CDH12: variants seen among roughly 807,000 people sequenced by gnomAD.
The protein encoded by CDH12 is cadherin-12.
CDH12 carries 41 observed loss-of-function variants against 74.1 expected under a neutral mutation model. The observed-to-expected ratio is 0.55, with a 90% CI of 0.43 to 0.72. The LOEUF (loss-of-function observed/expected upper bound fraction) is 0.72. Ranked by LOEUF, CDH12 falls within the 30% of genes least tolerant of loss-of-function variation. The probability of loss-of-function intolerance (pLI) is 0.00; values close to 1 mark genes in which losing one functional copy is unlikely to be tolerated. For synonymous variants in CDH12, 399 were observed against 355.0 expected (o/e 1.12, Z -1.39); for missense variants, 945 against 977.2 (o/e 0.97, Z 0.44).
chr5:22,009,939 C>CAAAAAAAAAAAAAAAAAA (rs774589642), intron 5 of CDH12, among the ~76,000 whole-genome samples: 9 of 54,286 alleles, frequency 1.7e-4, no homozygotes, highest in African/African-American at 2.2e-4. Context: ...GAAACTGTCT[C>CAAAAAAAAAAAAAAAAAA]AAAAAAAAAA....
intron 6 of CDH12, among the ~76,000 whole-genome samples, chr5:21,950,817 ACT>A (rs1755827176): frequency 6.7e-6 from 1 of 148,402 alleles, no homozygotes; most frequent in Admixed American, 6.8e-5. Flanking sequence ...ACAGAGTCTC[ACT>A]CTGTCACCCA....
At chr5:22,477,608 G>C (rs934267844) in intron 2 of CDH12, among the ~76,000 whole-genome samples, 2 of 152,138 alleles carry the variant, frequency 1.3e-5, no homozygotes, top group African/African-American at 4.8e-5. Context: ...CTCAGTAATG[G>C]GATTGCTGGG....
intron 3 of CDH12, among the ~76,000 whole-genome samples, chr5:22,253,477 C>T (rs1212945105): frequency 1.3e-5 from 2 of 151,842 alleles, no homozygotes; most frequent in African/African-American, 4.8e-5. Flanking sequence ...AAATAAAGTA[C>T]TTGTCTGAAT....
At chr5:22,704,000 A>T (rs1742852837) in intron 1 of CDH12, among the ~76,000 whole-genome samples, 1 of 152,020 alleles carries the variant, frequency 6.6e-6, no homozygotes, top group Admixed American at 6.6e-5. Context: ...ATAACTGTCC[A>T]CTCACCAAAG....
At chr5:21,892,745 TCTC>T (rs980448267) in intron 6 of CDH12, among the ~76,000 whole-genome samples, 5 of 152,070 alleles carry the variant, frequency 3.3e-5, no homozygotes, top group Non-Finnish European at 4.4e-5. Context: ...CTATGGCCAT[TCTC>T]CTCCTTAAAA....
chr5:21,920,887 G>C (rs762716950), intron 6 of CDH12, among the ~76,000 whole-genome samples: 1 of 152,062 alleles, frequency 6.6e-6, no homozygotes, highest in Non-Finnish European at 1.5e-5. Context: ...GAATAGTAGT[G>C]AGGCAAAGAA....
intron 6 of CDH12, among the ~76,000 whole-genome samples, chr5:21,901,913 TG>T (rs1341378154): frequency 1.3e-5 from 1 of 78,506 alleles, no homozygotes; most frequent in African/African-American, 2.7e-5. Flanking sequence ...ATGACTTTAT[TG>T]TATAACAGAT....
intron 3 of CDH12, among the ~76,000 whole-genome samples, chr5:22,262,133 T>C (rs1450669264): frequency 6.6e-6 from 1 of 151,690 alleles, no homozygotes; most frequent in Non-Finnish European, 1.5e-5. Context: ...TTTTTTTTTT[T>C]ATACTTTAAG....
chr5:22,326,057 T>A (rs1561314726), intron 3 of CDH12, among the ~76,000 whole-genome samples: 2 of 152,178 alleles, frequency 1.3e-5, no homozygotes, highest in Non-Finnish European at 2.9e-5. Context: ...GAGGTCAATA[T>A]CATATATGTC....
Position 21,752,046 on chromosome 5 carries a change from A to G in CDH12, c.2076T>C (p.Asp692=), listed in dbSNP as rs757884281. 18 of 1,613,946 alleles carry G rather than the reference A, an allele frequency of 1.1e-5. No homozygotes were observed. The African/African-American group carries it at 1.5e-4, about 13-fold the overall frequency. Residue 692 remains aspartate, a synonymous_variant, in exon 15 of 15, where the codon GAT becomes GAC. Transcript: ENST00000382254. Reference sequence around the variant, plus strand: ...GTAAACAGAGAGAGTCTGGTTTTATATCCCTGCGAATTTTGTTCTCCTCAA... The same window carrying G: ...GTAAACAGAGAGAGTCTGGTTTTATGTCCCTGCGAATTTTGTTCTCCTCAA... ...KVIEENKIRR[D]IKPDSLCLPR...
chr5:22,340,395 C>T (rs1179131644), intron 3 of CDH12, among the ~76,000 whole-genome samples: 20 of 152,008 alleles, frequency 1.3e-4, no homozygotes, highest in East Asian at 5.8e-4. Flanking sequence ...GACGTGGTGG[C>T]GGGTGCCTGT....
At chr5:22,231,026 T>G (rs946137502) in intron 3 of CDH12, among the ~76,000 whole-genome samples, 1 of 152,140 alleles carries the variant, frequency 6.6e-6, no homozygotes, top group African/African-American at 2.4e-5. Flanking sequence ...GCACAGAATA[T>G]GGAGAAATAG....
chr5:22,139,401 G>A (rs1746663401), intron 4 of CDH12: 1 of 107,788 alleles, frequency 9.3e-6, no homozygotes, highest in Non-Finnish European at 2.0e-5. Flanking sequence ...TGCAATAACC[G>A]TCTACATTAT....
At chr5:22,045,081 C>G (rs1288102641) in intron 5 of CDH12, among the ~76,000 whole-genome samples, 1 of 152,136 alleles carries the variant, frequency 6.6e-6, no homozygotes, top group Non-Finnish European at 1.5e-5. Context: ...GACAATTCAA[C>G]AGCAAAAATC....
chr5:21,912,196 T>G (rs1384030316), intron 6 of CDH12, among the ~76,000 whole-genome samples: 2 of 152,158 alleles, frequency 1.3e-5, no homozygotes, highest in Non-Finnish European at 2.9e-5. Context: ...CTTTTGATCT[T>G]AGTAAATAGC....
intron 6 of CDH12, among the ~76,000 whole-genome samples, chr5:21,863,109 A>G (rs565796703): frequency 6.6e-6 from 1 of 152,284 alleles, no homozygotes; most frequent in South Asian, 2.1e-4. Flanking sequence ...ATCTAAACTC[A>G]TTGACATGTT....
chr5:22,050,845 A>C (rs774369392), intron 5 of CDH12, among the ~76,000 whole-genome samples: 19 of 152,262 alleles, frequency 1.2e-4, no homozygotes, highest in Middle Eastern at 3.4e-3. Flanking sequence ...ACATTGTAAG[A>C]ATTTTATGTT....
chr5:22,316,417 T>C (rs2150433448), intron 3 of CDH12, among the ~76,000 whole-genome samples: 1 of 152,266 alleles, frequency 6.6e-6, no homozygotes, highest in African/African-American at 2.4e-5. Context: ...CTACTAGTTA[T>C]CACACAATCA....
chr5:22,196,845 A>C (rs1750645106), intron 4 of CDH12, among the ~76,000 whole-genome samples: 1 of 152,104 alleles, frequency 6.6e-6, no homozygotes, highest in Non-Finnish European at 1.5e-5. Context: ...TAATTATTTC[A>C]TGCGATAGAT....
Sources: allele counts gnomAD v4.1 joint callset (sites outside exome capture counted in the v4.1 genomes callset), GRCh38; gene constraint gnomAD v4.1.1; transcripts MANE v1.5; gene names NCBI Gene and HGNC (gene_info 2026-07-23, HGNC 2026-07-21).